The following ABTB3 variants were observed in gnomAD, a reference collection of about 807,000 sequenced individuals.
ABTB3 encodes the protein ankyrin repeat and BTB domain containing 3.
the ABTB3 span, among the ~76,000 whole-genome samples, chr12:107,401,920 T>TTG: frequency 3.3e-5 from 5 of 150,936 alleles, no homozygotes; most frequent in Admixed American, 2.6e-4. Flanking sequence ...TAGGGTTTTT[T>TTG]TTTTTTTTTT....
chr12:107,646,405 T>G, the ABTB3 span, among the ~76,000 whole-genome samples: 1 of 151,822 alleles, frequency 6.6e-6, no homozygotes, highest in Admixed American at 6.6e-5. Context: ...TTTATAAATG[T>G]TCAGGGCGGT....
the ABTB3 span, among the ~76,000 whole-genome samples, chr12:107,557,074 C>T: frequency 6.6e-6 from 1 of 152,096 alleles, no homozygotes; most frequent in Admixed American, 6.6e-5. Context: ...CTTTGAGAAA[C>T]ATGTTAATCT....
chr12:107,471,892 C>A, the ABTB3 span, among the ~76,000 whole-genome samples: 26 of 152,144 alleles, frequency 1.7e-4, no homozygotes, highest in Admixed American at 1.6e-3. Context: ...CCCTTCTGTC[C>A]CCTTAGATCT....
At chr12:107,426,060 C>A in the ABTB3 span, among the ~76,000 whole-genome samples, 2 of 149,650 alleles carry the variant, frequency 1.3e-5, no homozygotes, top group Non-Finnish European at 3.0e-5. Flanking sequence ...AAGGGGGACT[C>A]ACAGAGCTCT....
chr12:107,427,526 G>A, the ABTB3 span, among the ~76,000 whole-genome samples: 1 of 152,158 alleles, frequency 6.6e-6, no homozygotes, highest in South Asian at 2.1e-4. Flanking sequence ...GATCATGGGT[G>A]TGAGCCACGG....
chr12:107,330,575 G>A, the ABTB3 span, among the ~76,000 whole-genome samples: 1 of 152,176 alleles, frequency 6.6e-6, no homozygotes, highest in Non-Finnish European at 1.5e-5. Context: ...TTACAGATGT[G>A]GAAACTGAGG....
the ABTB3 span, among the ~76,000 whole-genome samples, chr12:107,388,608 C>T: frequency 6.6e-6 from 1 of 151,944 alleles, no homozygotes; most frequent in Admixed American, 6.6e-5. Flanking sequence ...CTCTCTCTCT[C>T]TCCCCTCTTC....
At chr12:107,644,140 A>G in the ABTB3 span, among the ~76,000 whole-genome samples, 2 of 152,310 alleles carry the variant, frequency 1.3e-5, no homozygotes, top group East Asian at 1.9e-4. Context: ...TCTTAGTTCT[A>G]GTTAGCGATA....
the ABTB3 span, among the ~76,000 whole-genome samples, chr12:107,456,440 A>ATGTG: frequency 1.3e-5 from 2 of 152,346 alleles, no homozygotes; most frequent in African/African-American, 4.8e-5. Context: ...TGAACTATGC[A>ATGTG]TGTGACAGAC....
chr12:107,613,802 G>A, the ABTB3 span, among the ~76,000 whole-genome samples: 1 of 152,100 alleles, frequency 6.6e-6, no homozygotes, highest in South Asian at 2.1e-4. Context: ...TCATAACTCG[G>A]CAACCCTGGG....
chr12:107,439,680 T>C, the ABTB3 span, among the ~76,000 whole-genome samples: 7 of 152,190 alleles, frequency 4.6e-5, no homozygotes, highest in African/African-American at 1.7e-4. Context: ...AACGGGCTTT[T>C]TCTTTTAGTG....
the ABTB3 span, among the ~76,000 whole-genome samples, chr12:107,602,557 T>A: frequency 6.6e-6 from 1 of 152,234 alleles, no homozygotes. Flanking sequence ...AAGAAAGTAT[T>A]ACTAAGTTCA....
chr12:107,511,023 A>C, the ABTB3 span, among the ~76,000 whole-genome samples: 1 of 152,152 alleles, frequency 6.6e-6, no homozygotes, highest in Non-Finnish European at 1.5e-5. Flanking sequence ...GAGAGAAGAG[A>C]GTTCAGGAAG....
chr12:107,615,960 C>G, the ABTB3 span, among the ~76,000 whole-genome samples: 1 of 152,260 alleles, frequency 6.6e-6, no homozygotes, highest in East Asian at 1.9e-4. Flanking sequence ...TGATTCCATG[C>G]AGAGCAGGGA....
At chr12:107,360,930 A>ATTTTTT in the ABTB3 span, among the ~76,000 whole-genome samples, 3,806 of 84,360 alleles carry the variant, frequency 0.045, 282 homozygotes, top group African/African-American at 0.064. Flanking sequence ...ATTTAATTTA[A>ATTTTTT]TTTTTTTTTT....
At chr12:107,438,816 GT>G in the ABTB3 span, among the ~76,000 whole-genome samples, 1 of 152,146 alleles carries the variant, frequency 6.6e-6, no homozygotes, top group South Asian at 2.1e-4. Flanking sequence ...AAAAATTCTA[GT>G]TTCAGAAGGC....
At chr12:107,448,783 G>T in the ABTB3 span, among the ~76,000 whole-genome samples, 1 of 152,200 alleles carries the variant, frequency 6.6e-6, no homozygotes, top group Non-Finnish European at 1.5e-5. Flanking sequence ...TGGGACTACA[G>T]GCACCCACCA....
At chr12:107,483,653 G>C in the ABTB3 span, among the ~76,000 whole-genome samples, 1 of 152,094 alleles carries the variant, frequency 6.6e-6, no homozygotes, top group Admixed American at 6.6e-5. Context: ...TCCAGATGTA[G>C]AGGAGATGAC....
chr12:107,396,908 T>C, the ABTB3 span, among the ~76,000 whole-genome samples: 3 of 152,242 alleles, frequency 2.0e-5, no homozygotes, highest in Non-Finnish European at 4.4e-5. Context: ...TGATTTCTTG[T>C]GTGTTTCATT....
Sources: allele counts gnomAD v4.1 joint callset (sites outside exome capture counted in the v4.1 genomes callset), GRCh38; gene constraint gnomAD v4.1.1; transcripts MANE v1.5; gene names NCBI Gene and HGNC (gene_info 2026-07-23, HGNC 2026-07-21).